Variants in CCDC186 observed in about 807,000 individuals in gnomAD.
CCDC186 encodes coiled-coil domain-containing protein 186.
Under a neutral mutation model 113.7 loss-of-function variants are expected in CCDC186, and 49 were observed. The observed-to-expected ratio is 0.43, with a 90% CI of 0.34 to 0.55. The LOEUF (loss-of-function observed/expected upper bound fraction) is 0.55, where lower values mean the gene tolerates loss of function less well. Ranked by LOEUF, CCDC186 falls within the 20% of genes least tolerant of loss-of-function variation. CCDC186 has a pLI of 0.02. For missense variants in CCDC186, 890 were observed against 1,011.1 expected, an observed-to-expected ratio of 0.88 and a Z score of 1.62; for synonymous variants, 355 against 345.8, an observed-to-expected ratio of 1.03 and a Z score of -0.30.
chr10:114,166,157 C>T (rs2032331057), intron 1 of CCDC186, among the ~76,000 whole-genome samples: 1 of 152,136 alleles, frequency 6.6e-6, no homozygotes, highest in African/African-American at 2.4e-5. Context: ...AAAACCATTT[C>T]ACGTTTATAC....
chr10:114,145,857 A>G, intron 4 of CCDC186, 96 bp from the exon 5 acceptor site: 1 of 1,168,070 alleles, frequency 8.6e-7, no homozygotes, highest in South Asian at 1.7e-5. Context: ...TTACCAATGC[A>G]TTGTTTGGTT....
rs376292897 is a variant in CCDC186 at position 114,129,876 on chromosome 10, C to G, written c.2182+15G>C. ...ATCAATCATGAAATAACAACTAGAG[C>G]CACTAGTTTTTTACCTGATGAACTA... is the stretch of plus-strand genomic sequence containing the variant. On this transcript the variant is annotated intron_variant, in intron 13 of 15. Transcript: ENST00000369287. 1.9e-6 allele frequency: 3 copies of G among 1,607,156 alleles called. No homozygotes were observed. The African/African-American group carries it at 4.0e-5, about 22-fold the overall frequency.
At position 114,137,295 on chromosome 10, in the gene CCDC186, A is replaced by G. The variant is rs1564908047; in HGVS notation, c.1222-5T>C. ...TTTGAGTTTATCTTTGGTTTCCTGC[A>G]TTGACAAAAGACAGAGACACAGTTG... On this transcript the variant is annotated splice_polypyrimidine_tract_variant and splice_region_variant and intron_variant, in intron 6 of 15. Transcript: ENST00000369287. 3.1e-6 allele frequency: 5 copies of G among 1,608,800 alleles called. No individual in the cohort carries two copies. Among genetic ancestry groups the G allele is most frequent in the Non-Finnish European group, 4.3e-6 (5 of 1,176,090 alleles).
At chr10:114,136,047 C>T (rs2031249672) in intron 8 of CCDC186, 70 bp from the exon 9 acceptor site, 1 of 1,512,914 alleles carries the variant, frequency 6.6e-7, no homozygotes, top group African/African-American at 1.4e-5. Context: ...ATTGCCTGTT[C>T]CTTCCAAAAG....
At chr10:114,166,078 C>T (rs1440605729) in intron 1 of CCDC186, among the ~76,000 whole-genome samples, 1 of 151,986 alleles carries the variant, frequency 6.6e-6, no homozygotes, top group Non-Finnish European at 1.5e-5. Context: ...AAGGACTGCA[C>T]TGCAGAGGAA....
intron 4 of CCDC186, among the ~76,000 whole-genome samples, chr10:114,148,054 G>A (rs2031701120): frequency 6.6e-6 from 1 of 152,172 alleles, no homozygotes; most frequent in African/African-American, 2.4e-5. Flanking sequence ...GAGGTCTCTT[G>A]AGCCCAGGAG....
chr10:114,129,029 G>A (rs780292757), intron 13 of CCDC186, among the ~76,000 whole-genome samples: 1 of 152,142 alleles, frequency 6.6e-6, no homozygotes, highest in Non-Finnish European at 1.5e-5. Context: ...GGGGCTGGGC[G>A]CGGAGGCTCA....
At position 114,149,574 on chromosome 10, in the gene CCDC186, G is replaced by A. The variant is rs868259932; in HGVS notation, c.888+1518C>T. On this transcript the variant is annotated intron_variant, in intron 4 of 15. Transcript: ENST00000369287. Reference sequence around the variant, plus strand: ...GAAGGGAAGGAAAGGAAAGGGAAGGGAAGGGAAGGGAAGGGAAGGGAAGGG... The same window carrying A: ...GAAGGGAAGGAAAGGAAAGGGAAGGAAAGGGAAGGGAAGGGAAGGGAAGGG... Among the ~76,000 whole-genome samples, 15 of 15,182 alleles carry A rather than the reference G, an allele frequency of 9.9e-4. 1 individual carries two copies. Among genetic ancestry groups the A allele is most frequent in the East Asian group, 2.4e-3 (2 of 830 alleles). The allele number at this position is 15,182 out of a possible 152,430, so 10.0% of individuals were successfully genotyped here.
At position 114,169,234 on chromosome 10, in the gene CCDC186, C is replaced by CTTT. The variant is rs34677282; in HGVS notation, c.-62+4778_-62+4780dup. Reference sequence around the variant, plus strand: ...TTAAATTATAAACTGTAGTACCATTCTTTTTTTTTTTTTTTTTTTTTTTTC... The same window carrying CTTT: ...TTAAATTATAAACTGTAGTACCATTCTTTTTTTTTTTTTTTTTTTTTTTTTTTC... On this transcript the variant is annotated intron_variant, in intron 1 of 15. Coordinates refer to ENST00000369287, the MANE Select transcript of CCDC186 (RefSeq NM_018017.4). 5.5e-3 allele frequency among the ~76,000 whole-genome samples: 534 copies of CTTT among 97,498 alleles called. 9 individuals are homozygous for CTTT. Among genetic ancestry groups the CTTT allele is most frequent in the Middle Eastern group, 0.021 (3 of 146 alleles). The allele number at this position is 97,498 out of a possible 152,430, so 64.0% of individuals were successfully genotyped here. A position where few individuals can be genotyped will look rare whatever the true frequency, so the allele number is the denominator to read the frequency against.
intron 1 of CCDC186, among the ~76,000 whole-genome samples, chr10:114,165,180 T>C (rs1329484421): frequency 1.3e-5 from 2 of 152,204 alleles, no homozygotes; most frequent in African/African-American, 2.4e-5. Flanking sequence ...TATAAATATG[T>C]TTCCAAACAA....
At chr10:114,158,989 C>G (rs1197827179) in intron 2 of CCDC186, among the ~76,000 whole-genome samples, 1 of 152,096 alleles carries the variant, frequency 6.6e-6, no homozygotes, top group Non-Finnish European at 1.5e-5. Context: ...AATAAAATGT[C>G]AGCTGGTGAT....
intron 1 of CCDC186, among the ~76,000 whole-genome samples, chr10:114,167,495 G>A (rs1365668903): frequency 6.6e-6 from 1 of 152,062 alleles, no homozygotes; most frequent in African/African-American, 2.4e-5. Context: ...CCTCATGTAG[G>A]CCTCCAGTTG....
chr10:114,164,065 AGTGTGTGTGTGT>A (rs747232906), intron 1 of CCDC186, among the ~76,000 whole-genome samples: 29 of 107,030 alleles, frequency 2.7e-4, no homozygotes, highest in Admixed American at 4.7e-4. Context: ...ACCAAGTTAG[AGTGTGTGTGTGT>A]GTGTGTGTGT....
At chr10:114,149,838 AAGGCAGGCAGGCAGGCAGGAAGGCAGGC>A (rs1189020756) in intron 4 of CCDC186, among the ~76,000 whole-genome samples, 21 of 107,726 alleles carry the variant, frequency 1.9e-4, no homozygotes, top group Non-Finnish European at 3.7e-4. Flanking sequence ...GGAAGGCAGG[AAGGCAGGCAGGCAGGCAGGAAGGCAGGC>A]AGGCAGGCAG....
intron 3 of CCDC186, among the ~76,000 whole-genome samples, chr10:114,154,062 T>A (rs1409758268): frequency 6.6e-6 from 1 of 151,120 alleles, no homozygotes; most frequent in Non-Finnish European, 1.5e-5. Context: ...AATACAAAAA[T>A]TAGCTGGATG....
chr10:114,125,396 C>T (rs1564903299), intron 15 of CCDC186, among the ~76,000 whole-genome samples, 170 bp from the exon 16 acceptor site: 1 of 152,172 alleles, frequency 6.6e-6, no homozygotes, highest in Non-Finnish European at 1.5e-5. Flanking sequence ...TAAAGTACTC[C>T]TGTCCATTTC....
intron 4 of CCDC186, among the ~76,000 whole-genome samples, chr10:114,149,458 G>T (rs1341109362): frequency 6.6e-6 from 1 of 151,432 alleles, no homozygotes; most frequent in African/African-American, 2.4e-5. Flanking sequence ...TCAAATGTTT[G>T]AACTGCTACC....
At chr10:114,129,850 T>C in intron 13 of CCDC186, 41 bp downstream of exon 13, 1 of 1,580,902 alleles carries the variant, frequency 6.3e-7, no homozygotes, top group Non-Finnish European at 8.7e-7. Flanking sequence ...TTTATTTTTA[T>C]ATCAATCATG....
chr10:114,152,957 A>C (rs2119814384), intron 3 of CCDC186, among the ~76,000 whole-genome samples: 1 of 152,366 alleles, frequency 6.6e-6, no homozygotes, highest in Non-Finnish European at 1.5e-5. Context: ...GCATCTAAGA[A>C]TGTAGCATCA....
Sources: allele counts gnomAD v4.1 joint callset (sites outside exome capture counted in the v4.1 genomes callset), GRCh38; gene constraint gnomAD v4.1.1; transcripts MANE v1.5; gene names NCBI Gene and HGNC (gene_info 2026-07-23, HGNC 2026-07-21).